The following RBM25 variants were observed in gnomAD, a reference collection of about 807,000 sequenced individuals.
RBM25 encodes RNA-binding protein 25.
A neutral mutation model predicts 120.7 loss-of-function variants in RBM25; 19 were observed. That is an observed-to-expected ratio of 0.16 (90% CI 0.11 to 0.23). The LOEUF (loss-of-function observed/expected upper bound fraction) is 0.23, where lower values mean the gene tolerates loss of function less well. Among genes scored for constraint, RBM25 ranks in the 10% least tolerant of loss-of-function variants. The pLI is 1.00. For synonymous variants in RBM25, 390 were observed against 326.7 expected, an observed-to-expected ratio of 1.19 and a Z score of -2.09; for missense variants, 605 against 1,041.5, an observed-to-expected ratio of 0.58 and a Z score of 5.77.
chr14:73,061,464 T>G (rs1179461386), intron 1 of RBM25, among the ~76,000 whole-genome samples: 1 of 151,466 alleles, frequency 6.6e-6, no homozygotes, highest in Non-Finnish European at 1.5e-5. Flanking sequence ...TATGCATCCA[T>G]TACCCCAAAA....
Position 73,111,609 on chromosome 14 carries a change from A to T in RBM25, c.2099A>T (p.Asp700Val). The T allele has an allele frequency of 6.2e-7, 1 of 1,614,164 alleles. No homozygotes were observed. Among genetic ancestry groups the T allele is most frequent in the South Asian group, 1.1e-5 (1 of 91,068 alleles). The change falls in exon 16 of 19, where the codon GAT (aspartate) becomes GTT (valine). Residue 700 changes from aspartate to valine, a missense_variant. This residue lies in a region of RBM25 where 465 missense variants were observed against 741.6 expected (regional missense o/e 0.63). Transcript: ENST00000261973. ...PVDSVFNKFE[D>V]EDSDDVPRKR... ...GATAGTGTCTTTAACAAATTTGAGG[A>T]TGAAGACAGTGATGACGTACCCCGA...
rs776273843 is a variant in RBM25, at chr14:73,096,898, TTGCTG to T, written c.544-15_544-11del. ...TGCTTGATTTTTCTTTCCCCTGAAT[TTGCTG>T]TTTTGTTTAAGAATGCAAGGCCAGA... On this transcript the variant is annotated splice_polypyrimidine_tract_variant and intron_variant, in intron 6 of 18. Transcript: ENST00000261973. The T allele has an allele frequency of 1.8e-5, 29 of 1,603,994 alleles. No individual in the cohort carries two copies. The highest frequency in any genetic ancestry group is 2.4e-5 in the Non-Finnish European group (28 of 1,177,238).
chr14:73,093,015 C>T (rs1895853352), intron 6 of RBM25, among the ~76,000 whole-genome samples: 1 of 152,086 alleles, frequency 6.6e-6, no homozygotes, highest in South Asian at 2.1e-4. Context: ...TAAAGTATTC[C>T]ATGTGAGGTG....
At chr14:73,088,202 G>A in intron 6 of RBM25, 41 bp downstream of exon 6, 3 of 1,607,496 alleles carry the variant, frequency 1.9e-6, no homozygotes, top group Non-Finnish European at 2.6e-6. Flanking sequence ...GCCAGACTGT[G>A]CTATTTCAGT....
intron 1 of RBM25, among the ~76,000 whole-genome samples, chr14:73,062,763 C>T (rs1895033271): frequency 6.6e-6 from 1 of 151,136 alleles, no homozygotes. Context: ...TAGACAAATG[C>T]ATATACTTGT....
intron 14 of RBM25, among the ~76,000 whole-genome samples, 199 bp downstream of exon 14, chr14:73,109,691 G>A (rs1896266278): frequency 6.6e-6 from 1 of 151,990 alleles, no homozygotes; most frequent in Admixed American, 6.5e-5. Context: ...TACTCGGGAG[G>A]CCGAGGCAGG....
At chr14:73,101,279 G>A (rs1896050328) in intron 9 of RBM25, 1 of 152,340 alleles carries the variant, frequency 6.6e-6, no homozygotes, top group African/African-American at 2.4e-5. Context: ...GTTTTGGTAT[G>A]AGTTTATTAA....
intron 10 of RBM25, among the ~76,000 whole-genome samples, chr14:73,103,944 T>TCACA (rs1896117191): frequency 2.4e-5 from 1 of 42,532 alleles, no homozygotes; most frequent in Non-Finnish European, 4.7e-5. Flanking sequence ...TCTCTCTCTC[T>TCACA]CTCTCACACA....
chr14:73,079,495 G>A (rs372260038), intron 4 of RBM25, among the ~76,000 whole-genome samples: 10 of 150,664 alleles, frequency 6.6e-5, no homozygotes, highest in South Asian at 2.1e-4. Flanking sequence ...GTCATTCTTC[G>A]TCTGTATCCC....
chr14:73,063,260 C>T (rs1300523318), intron 1 of RBM25, among the ~76,000 whole-genome samples: 1 of 151,244 alleles, frequency 6.6e-6, no homozygotes, highest in Non-Finnish European at 1.5e-5. Flanking sequence ...CGCCATTCTC[C>T]TGCCTCAGCC....
At position 73,058,612 on chromosome 14, in the gene RBM25, G is replaced by A. The variant is rs1451415746; in HGVS notation, c.-109G>A. The A allele has an allele frequency of 6.6e-6, 1 of 152,184 alleles. No homozygotes were observed. Among genetic ancestry groups the A allele is most frequent in the Admixed American group, 6.6e-5 (1 of 15,258 alleles). The allele number at this position is 152,184 out of a possible 1,614,324, so 9.4% of individuals were successfully genotyped here. On this transcript the variant is annotated 5_prime_UTR_variant, in exon 1 of 19. Transcript: ENST00000261973. ...AGGCGCTTGGGCACTCAGTCTCCCTGGCGAGCGACGGGCAGAAATCTCGAA... is the reference window on the plus strand; with the variant it reads ...AGGCGCTTGGGCACTCAGTCTCCCTAGCGAGCGACGGGCAGAAATCTCGAA...
chr14:73,100,456 A>G (rs556996333), intron 9 of RBM25: 1 of 512,288 alleles, frequency 2.0e-6, no homozygotes, highest in East Asian at 3.0e-5. Flanking sequence ...GTATTTATGC[A>G]TAGTAAATCC....
chr14:73,069,657 T>G (rs1343050354), intron 1 of RBM25, among the ~76,000 whole-genome samples: 2 of 144,834 alleles, frequency 1.4e-5, no homozygotes, highest in Admixed American at 1.5e-4. Flanking sequence ...GGTCCTGAAC[T>G]CCCAACCTCA....
chr14:73,103,891 C>T (rs1354669186), intron 10 of RBM25, among the ~76,000 whole-genome samples: 2 of 99,296 alleles, frequency 2.0e-5, no homozygotes, highest in African/African-American at 1.0e-4. Flanking sequence ...CTTTGTCTGT[C>T]TGTCTGTCTG....
intron 10 of RBM25, 107 bp downstream of exon 10, chr14:73,103,585 T>A (rs867336805): frequency 6.9e-7 from 1 of 1,439,840 alleles, no homozygotes. Context: ...TGTGTGTGTG[T>A]GAGACATTCT....
At chr14:73,058,997 G>A (rs973069029) in intron 1 of RBM25, among the ~76,000 whole-genome samples, 3 of 152,064 alleles carry the variant, frequency 2.0e-5, no homozygotes, top group Non-Finnish European at 4.4e-5. Flanking sequence ...GCCGCGGAGT[G>A]AATCGTCTCT....
chr14:73,105,015 A>G (rs1896149302), intron 10 of RBM25, among the ~76,000 whole-genome samples: 1 of 126,148 alleles, frequency 7.9e-6, no homozygotes, highest in Non-Finnish European at 1.7e-5. Flanking sequence ...CATAAAGAAC[A>G]TATTTCATAT....
intron 4 of RBM25, among the ~76,000 whole-genome samples, chr14:73,080,619 C>T (rs1365182441): frequency 1.3e-5 from 2 of 151,968 alleles, no homozygotes; most frequent in East Asian, 3.9e-4. Flanking sequence ...TTTTACTGTT[C>T]TTCATAATTT....
chr14:73,072,948 G>T (rs1258638262), intron 2 of RBM25, among the ~76,000 whole-genome samples: 1 of 151,866 alleles, frequency 6.6e-6, no homozygotes, highest in Admixed American at 6.6e-5. Context: ...TGTGTTTTGG[G>T]CGAGGCCTCA....
Sources: gnomAD v4.1 joint callset for allele counts (sites outside exome capture counted in the v4.1 genomes callset) on GRCh38, gnomAD v4.1.1 for gene constraint, gnomAD v4.1.1 regional missense constraint, MANE v1.5 for transcripts, NCBI Gene and HGNC (gene_info 2026-07-23, HGNC 2026-07-21) for gene names.